Variants in CLIP1 observed in about 807,000 individuals in gnomAD.
CLIP1 encodes CAP-Gly domain containing linker protein 1, also known as CAP-Gly domain-containing linker protein 1.
Under a neutral mutation model 161.6 loss-of-function variants are expected in CLIP1, and 66 were observed. That is an observed-to-expected ratio of 0.41 (90% CI 0.33 to 0.50). The LOEUF is 0.50. CLIP1 is among the 20% of genes least tolerant of loss of function. The pLI is 0.27. For missense variants in CLIP1, 1,376 were observed against 1,702.0 expected (o/e 0.81, Z 3.37); for synonymous variants, 598 against 626.2 (o/e 0.96, Z 0.67).
chr12:122,278,569 C>T, intron 23 of CLIP1: 1 of 529,398 alleles, frequency 1.9e-6, no homozygotes, highest in Non-Finnish European at 3.3e-6. Flanking sequence ...CAGCAGGCAG[C>T]CATCATAGTA....
intron 3 of CLIP1, chr12:122,364,834 CT>C: frequency 6.1e-6 from 6 of 987,792 alleles, no homozygotes; most frequent in East Asian, 2.6e-5. Flanking sequence ...TTCTCTAGGC[CT>C]TTTAGAAAAA....
chr12:122,277,546 T>A (rs1361670226), intron 24 of CLIP1: 2 of 152,122 alleles, frequency 1.3e-5, no homozygotes, highest in African/African-American at 4.8e-5. Context: ...GACTGAGTTT[T>A]CAAGAAACCA....
At chr12:122,414,300 A>G (rs1319154006) in intron 1 of CLIP1, among the ~76,000 whole-genome samples, 1 of 151,594 alleles carries the variant, frequency 6.6e-6, no homozygotes, top group Non-Finnish European at 1.5e-5. Flanking sequence ...GGCATGTATC[A>G]TCATATTCAG....
At chr12:122,373,142 G>C (rs1159300249) in intron 3 of CLIP1, among the ~76,000 whole-genome samples, 2 of 152,116 alleles carry the variant, frequency 1.3e-5, no homozygotes, top group Admixed American at 1.3e-4. Flanking sequence ...AAGTTAATAA[G>C]GGCCGGGCGT....
intron 9 of CLIP1, among the ~76,000 whole-genome samples, chr12:122,350,326 CCAGCAGCA>C (rs1952971869): frequency 6.6e-6 from 1 of 152,144 alleles, no homozygotes; most frequent in Admixed American, 6.5e-5. Flanking sequence ...TTCTTTACAA[CCAGCAGCA>C]CAGCTGGCAG....
chr12:122,330,603 T>TG (rs1478546505), intron 15 of CLIP1, among the ~76,000 whole-genome samples: 3 of 138,654 alleles, frequency 2.2e-5, no homozygotes, highest in African/African-American at 8.4e-5. Context: ...TGCAGTTTTT[T>TG]TTTTTTTTTT....
chr12:122,402,739 G>A (rs1347910350), intron 1 of CLIP1, among the ~76,000 whole-genome samples: 1 of 152,144 alleles, frequency 6.6e-6, no homozygotes, highest in Non-Finnish European at 1.5e-5. Context: ...TAGCGCCACT[G>A]TACTCCAGCC....
chr12:122,391,546 A>G (rs1192580949), intron 1 of CLIP1, among the ~76,000 whole-genome samples: 1 of 152,238 alleles, frequency 6.6e-6, no homozygotes, highest in Non-Finnish European at 1.5e-5. Flanking sequence ...AGATCGCGCC[A>G]TCGTACTCCA....
intron 1 of CLIP1, among the ~76,000 whole-genome samples, chr12:122,383,273 A>T (rs1955087490): frequency 6.6e-6 from 1 of 152,198 alleles, no homozygotes; most frequent in Admixed American, 6.5e-5. Context: ...TGCTCCTTAA[A>T]TTATTTCACT....
chr12:122,386,879 T>C (rs1955295991), intron 1 of CLIP1, among the ~76,000 whole-genome samples: 1 of 149,794 alleles, frequency 6.7e-6, no homozygotes, highest in Admixed American at 6.7e-5. Context: ...GACGGTAAGA[T>C]CATCCTGCCA....
intron 1 of CLIP1, among the ~76,000 whole-genome samples, chr12:122,398,436 A>G (rs1298886759): frequency 6.6e-6 from 1 of 151,916 alleles, no homozygotes; most frequent in Non-Finnish European, 1.5e-5. Context: ...AAAAAAAAAA[A>G]AAAATTAATT....
rs928417109 is a variant in CLIP1 at position 122,362,174 on chromosome 12, G to A, written c.783-993C>T. Among the ~76,000 whole-genome samples the A allele has an allele frequency of 1.5e-4, 23 of 150,642 alleles. 1 individual carries two copies. Among genetic ancestry groups the A allele is most frequent in the Non-Finnish European group, 1.3e-4 (9 of 67,738 alleles). On this transcript the variant is annotated intron_variant, in intron 4 of 25. Transcript: ENST00000620786. ...TCAATATGTTGGCCAGGATGGTCTCGAACTCCTGATCTCGTGATCTGCCCA... is the reference window on the plus strand; with the variant it reads ...TCAATATGTTGGCCAGGATGGTCTCAAACTCCTGATCTCGTGATCTGCCCA...
chr12:122,394,263 G>A (rs181670217), intron 1 of CLIP1, among the ~76,000 whole-genome samples: 44 of 152,154 alleles, frequency 2.9e-4, no homozygotes, highest in African/African-American at 1.1e-3. Context: ...ACTGAGGCGG[G>A]CGGATCACTT....
intron 21 of CLIP1, among the ~76,000 whole-genome samples, chr12:122,284,004 G>C (rs1955748880): frequency 6.6e-6 from 1 of 152,078 alleles, no homozygotes; most frequent in Non-Finnish European, 1.5e-5. Context: ...CTCAATGGTT[G>C]ACACATTTAT....
Position 122,279,048 on chromosome 12 carries a change from G to T in CLIP1, c.3745C>A (p.Leu1249Met). Residue 1249 changes from leucine to methionine, a missense_variant, in exon 22 of 26, where the codon CTG becomes ATG. Transcript: ENST00000620786. This position sits in a 1 kb window ranked among gnomAD's most constrained non-coding sequence, Gnocchi z 4.5. ...TCTACCTCATTTCTCAGTTTCTCCA[G>T]CTCGGCATCCTTTTCTGTGAGTAAG... ...SALLTEKDAE[L>M]EKLRNEVTVL... 1 of 1,612,282 alleles carries T rather than the reference G, an allele frequency of 6.2e-7. No individual in the cohort carries two copies. The highest frequency in any genetic ancestry group is 8.5e-7 in the Non-Finnish European group (1 of 1,179,494).
intron 1 of CLIP1, among the ~76,000 whole-genome samples, chr12:122,383,556 G>A (rs945207522): frequency 2.6e-5 from 4 of 152,124 alleles, no homozygotes; most frequent in Non-Finnish European, 5.9e-5. Context: ...ATCCTAACGC[G>A]GAGAACTGTG....
At chr12:122,393,041 C>T (rs1207323614) in intron 1 of CLIP1, among the ~76,000 whole-genome samples, 1 of 152,116 alleles carries the variant, frequency 6.6e-6, no homozygotes, top group Admixed American at 6.6e-5. Flanking sequence ...CTCGGCCTCC[C>T]AAAGTGCTGG....
At position 122,336,767 on chromosome 12, in the gene CLIP1, T is replaced by G. The variant is rs1193561773; in HGVS notation, c.2452-19A>C. The G allele has an allele frequency of 6.8e-6, 8 of 1,179,164 alleles. No homozygotes were observed. The highest frequency in any genetic ancestry group is 9.8e-6 in the Non-Finnish European group (8 of 815,826). 73.0% of individuals were successfully genotyped at this position (1,179,164 alleles called of 1,614,324 possible). Reference sequence around the variant, plus strand: ...TACTAGCCTAACACACAGTGTTACATGGTATAGAAGCAAATGAACAAAAGG... The same window carrying G: ...TACTAGCCTAACACACAGTGTTACAGGGTATAGAAGCAAATGAACAAAAGG... On this transcript the variant is annotated intron_variant, in intron 11 of 25. Transcript: ENST00000620786.
At chr12:122,377,331 C>G in intron 3 of CLIP1, 58 bp downstream of exon 3, 3 of 1,477,488 alleles carry the variant, frequency 2.0e-6, no homozygotes, top group Non-Finnish European at 2.8e-6. Flanking sequence ...ATTTCAACCA[C>G]TCACTGGTGT....
Sources: allele counts gnomAD v4.1 joint callset (sites outside exome capture counted in the v4.1 genomes callset), GRCh38; gene constraint gnomAD v4.1.1; non-coding constraint Gnocchi (gnomAD v3.1); transcripts MANE v1.5; gene names NCBI Gene and HGNC (gene_info 2026-07-23, HGNC 2026-07-21).